SPMIP2: variants seen among roughly 807,000 people sequenced by gnomAD.
SPMIP2 encodes the protein sperm microtubule inner protein 2.
chr4:159,056,462 A>C, the SPMIP2 span, among the ~76,000 whole-genome samples: 2 of 152,146 alleles, frequency 1.3e-5, no homozygotes, highest in African/African-American at 4.8e-5. Flanking sequence ...AAAAAGCATA[A>C]AGTATAAGAC....
the SPMIP2 span, among the ~76,000 whole-genome samples, chr4:159,013,746 A>G: frequency 2.6e-5 from 4 of 151,644 alleles, no homozygotes; most frequent in Middle Eastern, 3.2e-3. Flanking sequence ...TCATAACAAC[A>G]TACAATGCAA....
the SPMIP2 span, among the ~76,000 whole-genome samples, chr4:159,051,148 A>G: frequency 6.6e-6 from 1 of 152,146 alleles, no homozygotes; most frequent in Non-Finnish European, 1.5e-5. Context: ...TTTCCAAAAA[A>G]GTGCTATTCT....
chr4:159,026,484 G>T, the SPMIP2 span: 1 of 707,610 alleles, frequency 1.4e-6, no homozygotes, highest in South Asian at 1.4e-5. Flanking sequence ...ACTGTGTCAT[G>T]AACAATGTCA....
chr4:158,976,915 C>T, the SPMIP2 span, among the ~76,000 whole-genome samples: 4 of 152,094 alleles, frequency 2.6e-5, no homozygotes, highest in African/African-American at 9.7e-5. Context: ...CTGCCTCAGC[C>T]TCCCAAAGTG....
the SPMIP2 span, chr4:158,960,440 G>A: frequency 3.0e-6 from 2 of 665,572 alleles, no homozygotes; most frequent in Non-Finnish European, 2.5e-6. Flanking sequence ...AAGTCAGGTT[G>A]GGAAATGAAA....
chr4:158,986,652 A>C, the SPMIP2 span, among the ~76,000 whole-genome samples: 20 of 152,230 alleles, frequency 1.3e-4, no homozygotes, highest in Middle Eastern at 3.2e-3. Flanking sequence ...AAAGTCTTAA[A>C]TATTAGACCT....
At chr4:159,014,147 C>G in the SPMIP2 span, among the ~76,000 whole-genome samples, 1 of 152,090 alleles carries the variant, frequency 6.6e-6, no homozygotes, top group Admixed American at 6.6e-5. Flanking sequence ...AACATTAAAC[C>G]ATTCATGTTT....
the SPMIP2 span, among the ~76,000 whole-genome samples, chr4:159,059,562 AG>A: frequency 0.01 from 1,585 of 152,208 alleles, 29 homozygotes; most frequent in African/African-American, 0.036. Flanking sequence ...TTGTAGAGAC[AG>A]GGTCTTGCTA....
At chr4:158,917,526 A>T in the SPMIP2 span, among the ~76,000 whole-genome samples, 1 of 151,786 alleles carries the variant, frequency 6.6e-6, no homozygotes, top group African/African-American at 2.4e-5. Context: ...CTTCCCCTCG[A>T]TGAGCTCCAA....
At chr4:159,013,638 AC>A in the SPMIP2 span, among the ~76,000 whole-genome samples, 1 of 150,998 alleles carries the variant, frequency 6.6e-6, no homozygotes, top group South Asian at 2.1e-4. Context: ...ACCTCATTTA[AC>A]CTCAGTTACC....
At chr4:158,975,904 CATG>C in the SPMIP2 span, among the ~76,000 whole-genome samples, 1 of 152,166 alleles carries the variant, frequency 6.6e-6, no homozygotes, top group Non-Finnish European at 1.5e-5. Context: ...CGGCCATTTT[CATG>C]ATATTGATTC....
At chr4:158,937,374 G>T in the SPMIP2 span, 1 of 153,728 alleles carries the variant, frequency 6.5e-6, no homozygotes, top group Non-Finnish European at 1.5e-5. Context: ...TGCCTGGGAG[G>T]TTCTTGGTAA....
At chr4:158,963,441 A>G in the SPMIP2 span, among the ~76,000 whole-genome samples, 13 of 152,132 alleles carry the variant, frequency 8.5e-5, no homozygotes, top group African/African-American at 1.4e-4. Flanking sequence ...AGCTGGGACC[A>G]CAGGTGCACA....
chr4:158,976,213 T>A, the SPMIP2 span, among the ~76,000 whole-genome samples: 1 of 152,230 alleles, frequency 6.6e-6, no homozygotes, highest in Non-Finnish European at 1.5e-5. Context: ...TTTCTAATTA[T>A]ATAATCATGT....
chr4:158,941,430 G>T, the SPMIP2 span, among the ~76,000 whole-genome samples: 7 of 152,182 alleles, frequency 4.6e-5, no homozygotes, highest in Non-Finnish European at 8.8e-5. Flanking sequence ...GTTGAGGTAG[G>T]AGGATTGCTT....
chr4:159,040,529 G>A, the SPMIP2 span, among the ~76,000 whole-genome samples: 4 of 151,732 alleles, frequency 2.6e-5, no homozygotes, highest in South Asian at 4.2e-4. Context: ...GCAGTGGTGG[G>A]ACCATAGCTC....
the SPMIP2 span, chr4:159,007,139 T>C: frequency 1.4e-6 from 1 of 699,592 alleles, no homozygotes; most frequent in East Asian, 3.3e-5. Flanking sequence ...CCGTGTGGGG[T>C]GCGCCTGAGA....
the SPMIP2 span, among the ~76,000 whole-genome samples, chr4:158,963,774 C>T: frequency 6.6e-6 from 1 of 152,120 alleles, no homozygotes; most frequent in East Asian, 1.9e-4. Context: ...ATCAGGAGAG[C>T]TCTTAAAAAG....
At chr4:159,056,358 T>G in the SPMIP2 span, among the ~76,000 whole-genome samples, 2 of 152,146 alleles carry the variant, frequency 1.3e-5, no homozygotes, top group Non-Finnish European at 2.9e-5. Flanking sequence ...TTCACAGTCT[T>G]CCACCTCTAT....
Sources: gnomAD v4.1 joint callset for allele counts (sites outside exome capture counted in the v4.1 genomes callset) on GRCh38, gnomAD v4.1.1 for gene constraint, MANE v1.5 for transcripts, NCBI Gene and HGNC (gene_info 2026-07-23, HGNC 2026-07-21) for gene names.